The following PSD3 variants were observed in gnomAD, a reference collection of about 807,000 sequenced individuals.
The protein encoded by PSD3 is PH and SEC7 domain-containing protein 3.
PSD3 carries 49 observed loss-of-function variants against 105.5 expected under a neutral mutation model. The observed-to-expected ratio is 0.46, with a 90% CI of 0.37 to 0.59. The LOEUF (loss-of-function observed/expected upper bound fraction) is 0.59. Among genes scored for constraint, PSD3 ranks in the 20% least tolerant of loss-of-function variants. PSD3 has a pLI of 0.00. For missense variants in PSD3, 1,561 were observed against 1,263.8 expected, an observed-to-expected ratio of 1.24 and a Z score of -3.57; for synonymous variants, 557 against 457.8, an observed-to-expected ratio of 1.22 and a Z score of -2.77.
intron 4 of PSD3, among the ~76,000 whole-genome samples, chr8:18,866,789 T>C (rs1816969498): frequency 6.6e-6 from 1 of 151,998 alleles, no homozygotes; most frequent in Non-Finnish European, 1.5e-5. Flanking sequence ...CTTTTTTTTT[T>C]TTTAACAAAA....
At chr8:18,743,847 G>A (rs1053094093) in intron 9 of PSD3, among the ~76,000 whole-genome samples, 3 of 151,754 alleles carry the variant, frequency 2.0e-5, no homozygotes, top group African/African-American at 7.3e-5. Context: ...TACTTTGAGG[G>A]GGGAGGTTAA....
intron 2 of PSD3, among the ~76,000 whole-genome samples, chr8:18,896,883 T>A (rs1819185008): frequency 6.6e-6 from 1 of 151,990 alleles, no homozygotes; most frequent in South Asian, 2.1e-4. Flanking sequence ...TGATCTCGGC[T>A]CACCACAACC....
intron 6 of PSD3, chr8:18,803,389 C>CTGTGTGTGTGTGTGTG (rs59427991): frequency 0.08 from 11,400 of 143,164 alleles, 530 homozygotes; most frequent in Admixed American, 0.11. Context: ...AATCTATAAA[C>CTGTGTGTGTGTGTGTG]TGTGTGTGTG....
intron 2 of PSD3, among the ~76,000 whole-genome samples, chr8:18,931,664 C>T (rs1366314082): frequency 6.6e-6 from 1 of 152,150 alleles, no homozygotes; most frequent in African/African-American, 2.4e-5. Flanking sequence ...TAATGATGGG[C>T]TCTGAACAGT....
intron 1 of PSD3, among the ~76,000 whole-genome samples, chr8:18,988,035 T>TA (rs36056485): frequency 0.27 from 41,375 of 151,942 alleles, 6,372 homozygotes; most frequent in Non-Finnish European, 0.35. Context: ...TTGCTAGATA[T>TA]ACTTGAATCC....
At chr8:18,854,018 G>A (rs1815798779) in intron 4 of PSD3, 1 of 108,890 alleles carries the variant, frequency 9.2e-6, no homozygotes, top group African/African-American at 3.8e-5. Flanking sequence ...TCAAATCCAA[G>A]GAAGTTTCTA....
intron 6 of PSD3, among the ~76,000 whole-genome samples, chr8:18,803,808 G>A (rs1810952100): frequency 6.6e-6 from 1 of 152,072 alleles, no homozygotes; most frequent in Non-Finnish European, 1.5e-5. Flanking sequence ...ATTGTTTAAC[G>A]AGTATGGAGC....
chr8:18,589,412 C>G (rs1244271180), intron 12 of PSD3, among the ~76,000 whole-genome samples: 1 of 152,140 alleles, frequency 6.6e-6, no homozygotes, highest in Non-Finnish European at 1.5e-5. Context: ...ATATCTCTTT[C>G]TACAAAGCCT....
At chr8:19,013,751 G>C (rs1433126705), upstream of PSD3, 1 of 400,402 alleles carries the variant, frequency 2.5e-6, no homozygotes. Flanking sequence ...GCGAGGCTGC[G>C]AGCCCGCGGC....
intron 2 of PSD3, among the ~76,000 whole-genome samples, chr8:18,932,617 T>G (rs1821821306): frequency 6.6e-6 from 1 of 152,180 alleles, no homozygotes; most frequent in South Asian, 2.1e-4. Flanking sequence ...GCTATGTGCC[T>G]TTAGTCATGT....
chr8:18,957,569 C>T (rs1252824456), intron 1 of PSD3, among the ~76,000 whole-genome samples: 1 of 152,180 alleles, frequency 6.6e-6, no homozygotes, highest in East Asian at 1.9e-4. Flanking sequence ...AGATGGCCAG[C>T]ATTTGCTACA....
At chr8:18,697,040 T>G (rs1193798873) in intron 9 of PSD3, among the ~76,000 whole-genome samples, 3 of 152,224 alleles carry the variant, frequency 2.0e-5, no homozygotes, top group African/African-American at 7.2e-5. Flanking sequence ...CCCAGGGGTT[T>G]GAGACCAGCC....
intron 1 of PSD3, among the ~76,000 whole-genome samples, chr8:19,033,394 T>C (rs1250273104): frequency 6.6e-6 from 1 of 152,172 alleles, no homozygotes; most frequent in Admixed American, 6.5e-5. Context: ...TTCTTTTGTC[T>C]TTTACTACCT....
intron 8 of PSD3, among the ~76,000 whole-genome samples, chr8:18,792,837 A>G (rs1016405537): frequency 6.6e-6 from 1 of 152,204 alleles, no homozygotes; most frequent in Admixed American, 6.5e-5. Flanking sequence ...CATATACCCA[A>G]AGGATTATAA....
chr8:19,005,214 C>T (rs28838280), intron 1 of PSD3, among the ~76,000 whole-genome samples: 19,345 of 151,820 alleles, frequency 0.13, 1,476 homozygotes, highest in African/African-American at 0.14. Context: ...AACTGATGAA[C>T]GGATAAATAA....
At chr8:18,966,711 G>T (rs995191149) in intron 1 of PSD3, among the ~76,000 whole-genome samples, 2 of 152,072 alleles carry the variant, frequency 1.3e-5, no homozygotes, top group African/African-American at 4.8e-5. Context: ...AAACCAGTGT[G>T]CCCCAGGAGG....
At chr8:18,978,234 C>A (rs1825053707) in intron 1 of PSD3, among the ~76,000 whole-genome samples, 1 of 152,276 alleles carries the variant, frequency 6.6e-6, no homozygotes, top group Admixed American at 6.5e-5. Context: ...TGCACGTCCA[C>A]ACGCTGGGTT....
chr8:18,849,378 T>A (rs1293652740), intron 4 of PSD3: 1 of 152,236 alleles, frequency 6.6e-6, no homozygotes, highest in African/African-American at 2.4e-5. Flanking sequence ...GGCCATGCAC[T>A]ATGCATCAGA....
chr8:18,705,259 G>A (rs1801817228), intron 9 of PSD3, among the ~76,000 whole-genome samples: 1 of 152,192 alleles, frequency 6.6e-6, no homozygotes, highest in South Asian at 2.1e-4. Flanking sequence ...CAGGCGTGAT[G>A]GCTCATGCCT....
Sources: gnomAD v4.1 joint callset for allele counts (sites outside exome capture counted in the v4.1 genomes callset) on GRCh38, gnomAD v4.1.1 for gene constraint, MANE v1.5 for transcripts, NCBI Gene and HGNC (gene_info 2026-07-23, HGNC 2026-07-21) for gene names.